Variants in TASOR observed in about 807,000 individuals in gnomAD.
TASOR encodes protein TASOR.
In TASOR, 53 loss-of-function variants were observed where a neutral mutation model predicts 178.6. That is an observed-to-expected ratio of 0.30 (90% CI 0.24 to 0.37). TASOR has a LOEUF of 0.37. Among genes scored for constraint, TASOR ranks in the 10% least tolerant of loss-of-function variants. The pLI, the probability that TASOR is intolerant of heterozygous loss-of-function variation, is 1.00. For synonymous variants in TASOR, 713 were observed against 696.2 expected (o/e 1.02, Z -0.38); for missense variants, 1,815 against 1,971.4 (o/e 0.92, Z 1.50).
intron 2 of TASOR, 66 bp from the exon 3 acceptor site, chr3:56,671,758 ATTTT>A (rs1389379684): frequency 7.9e-7 from 1 of 1,262,948 alleles, no homozygotes; most frequent in South Asian, 1.4e-5. Context: ...TACAAGTTTT[ATTTT>A]TTTTTCCAAG....
At chr3:56,674,512 A>C (rs1350000623) in intron 1 of TASOR, among the ~76,000 whole-genome samples, 2 of 152,084 alleles carry the variant, frequency 1.3e-5, no homozygotes, top group Non-Finnish European at 2.9e-5. Flanking sequence ...CTGTCTCAAA[A>C]ATAAAAATAA....
At chr3:56,676,596 C>A (rs910622600) in intron 1 of TASOR, among the ~76,000 whole-genome samples, 1 of 152,042 alleles carries the variant, frequency 6.6e-6, no homozygotes, top group African/African-American at 2.4e-5. Flanking sequence ...GATTTTGTTT[C>A]TAAACAAAAT....
At chr3:56,662,822 G>C (rs536902989) in intron 8 of TASOR, among the ~76,000 whole-genome samples, 2 of 152,274 alleles carry the variant, frequency 1.3e-5, no homozygotes, top group South Asian at 4.2e-4. Flanking sequence ...ATGAAATCTG[G>C]TTGATTATAT....
At chr3:56,643,127 G>A (rs2077162123) in intron 14 of TASOR, among the ~76,000 whole-genome samples, 1 of 151,606 alleles carries the variant, frequency 6.6e-6, no homozygotes, top group Admixed American at 6.6e-5. Context: ...AGCTGGGTAT[G>A]GTGGCACACG....
chr3:56,662,351 T>C, intron 9 of TASOR, 34 bp downstream of exon 9: 2 of 1,121,124 alleles, frequency 1.8e-6, no homozygotes, highest in East Asian at 2.6e-5. Flanking sequence ...GTGATAAAAT[T>C]AGCAACCACG....
At chr3:56,672,683 G>A (rs544766653) in intron 2 of TASOR, among the ~76,000 whole-genome samples, 127 of 152,136 alleles carry the variant, frequency 8.3e-4, no homozygotes, top group East Asian at 7.7e-4. Context: ...TAGCCACCAG[G>A]CAATAATTGT....
chr3:56,652,397 T>C (rs138813110), intron 11 of TASOR, among the ~76,000 whole-genome samples: 2 of 151,768 alleles, frequency 1.3e-5, no homozygotes, highest in East Asian at 3.9e-4. Context: ...CTACAAAACA[T>C]ACAAAAATCA....
chr3:56,632,577 T>C (rs1332088983), intron 18 of TASOR, among the ~76,000 whole-genome samples: 1 of 152,192 alleles, frequency 6.6e-6, no homozygotes, highest in African/African-American at 2.4e-5. Flanking sequence ...AATTCTAACA[T>C]AGATCAGAAG....
rs904204532 is a variant in TASOR at position 56,633,567 on chromosome 3, T to C, written c.3224A>G (p.Gln1075Arg). 1.2e-6 allele frequency: 2 copies of C among 1,614,182 alleles called. No homozygotes were observed. The highest frequency in any genetic ancestry group is 2.2e-5 in the South Asian group (2 of 91,084). ...IYSKTSKAGV[Q>R]EFVDGLHEKL... ...CTCATGCAAACCATCTACAAACTCC[T>C]GCACACCAGCTTTGGAAGTCTTAGA... The change falls in exon 18 of 24, where the codon CAG becomes CGG. Residue 1075 changes from glutamine to arginine, a missense_variant. By Grantham distance (43) the Gln-to-Arg change is conservative (BLOSUM62 1). Coordinates refer to ENST00000683822, the MANE Select transcript of TASOR (RefSeq NM_001365635.2).
intron 6 of TASOR, among the ~76,000 whole-genome samples, chr3:56,668,168 G>T (rs997000930): frequency 6.6e-6 from 1 of 152,142 alleles, no homozygotes; most frequent in Non-Finnish European, 1.5e-5. Flanking sequence ...CTAGACTAGG[G>T]AGTCTATAAA....
intron 2 of TASOR, among the ~76,000 whole-genome samples, chr3:56,672,965 C>T (rs1448549870): frequency 6.6e-6 from 1 of 152,166 alleles, no homozygotes; most frequent in Non-Finnish European, 1.5e-5. Flanking sequence ...GGATTACAGG[C>T]ATGTGCCACC....
intron 17 of TASOR, among the ~76,000 whole-genome samples, chr3:56,635,299 C>A (rs1421750163): frequency 6.6e-6 from 1 of 152,182 alleles, no homozygotes; most frequent in African/African-American, 2.4e-5. Flanking sequence ...AAATATCCAA[C>A]GTGCCAGGAT....
chr3:56,621,569 T>C lies in TASOR; in HGVS notation c.*1468A>G. The C allele has an allele frequency of 6.2e-7, 1 of 1,603,352 alleles. No individual in the cohort carries two copies. Among genetic ancestry groups the C allele is most frequent in the Admixed American group, 1.7e-5 (1 of 57,786 alleles). On this transcript the variant is annotated 3_prime_UTR_variant, in exon 24 of 24. Transcript: ENST00000683822. ...AAGCAAAAGGAGTTGGAAAGTAGTC[T>C]CCTGCCTTTAGCTGAAAATCAAGAA...
intron 4 of TASOR, 49 bp from the exon 5 acceptor site, chr3:56,669,840 A>G: frequency 1.5e-6 from 2 of 1,307,986 alleles, no homozygotes; most frequent in Non-Finnish European, 2.1e-6. Context: ...TTTCAAAATC[A>G]CTAGGACTAA....
intron 17 of TASOR, among the ~76,000 whole-genome samples, chr3:56,637,128 C>T (rs1278187293): frequency 3.3e-5 from 5 of 152,156 alleles, no homozygotes; most frequent in African/African-American, 1.2e-4. Context: ...ACAGGCAAAA[C>T]TAATCAGATT....
intron 21 of TASOR, among the ~76,000 whole-genome samples, 178 bp downstream of exon 21, chr3:56,626,859 C>A (rs1372278051): frequency 6.9e-6 from 1 of 145,820 alleles, no homozygotes; most frequent in Non-Finnish European, 1.5e-5. Flanking sequence ...CAAACTTCTA[C>A]TGAAAAATAC....
intron 15 of TASOR, 136 bp downstream of exon 15, chr3:56,641,213 C>G: frequency 2.6e-6 from 2 of 769,354 alleles, no homozygotes; most frequent in Non-Finnish European, 4.1e-6. Flanking sequence ...AAGTACCATC[C>G]TAGACAGGCA....
intron 1 of TASOR, among the ~76,000 whole-genome samples, chr3:56,679,366 A>G (rs2031597770): frequency 6.6e-6 from 1 of 152,252 alleles, no homozygotes; most frequent in Non-Finnish European, 1.5e-5. Flanking sequence ...AATACGAAAC[A>G]AAGTTTTTTG....
chr3:56,621,316 C>T lies in TASOR; in HGVS notation c.*1721G>A. ...CTTGAGTTCTAAGAAAATTTTCATC[C>T]CTATTGATTTTTATGCTAAAAACAG... On this transcript the variant is annotated 3_prime_UTR_variant, in exon 24 of 24. Coordinates refer to ENST00000683822, the MANE Select transcript of TASOR (RefSeq NM_001365635.2). The T allele has an allele frequency of 2.8e-6, 1 of 355,496 alleles. No homozygotes were observed. 22.0% of individuals were successfully genotyped at this position (355,496 alleles called of 1,614,324 possible). A position where few individuals can be genotyped will look rare whatever the true frequency, so the allele number is the denominator to read the frequency against.
Sources: gnomAD v4.1 joint callset for allele counts (sites outside exome capture counted in the v4.1 genomes callset) on GRCh38, gnomAD v4.1.1 for gene constraint, MANE v1.5 for transcripts, NCBI Gene and HGNC (gene_info 2026-07-23, HGNC 2026-07-21) for gene names.